ANKRD6: variants seen among roughly 807,000 people sequenced by gnomAD.
ANKRD6 encodes the protein ankyrin repeat domain 6, also known as ankyrin repeat domain-containing protein 6.
Under a neutral mutation model 82.3 loss-of-function variants are expected in ANKRD6, and 56 were observed. That is an observed-to-expected ratio of 0.68 (90% CI 0.55 to 0.85). The LOEUF is 0.85. Among genes scored for constraint, ANKRD6 ranks in the 40% least tolerant of loss-of-function variants. ANKRD6 has a pLI of 0.00. For synonymous variants in ANKRD6, 347 were observed against 352.1 expected (o/e 0.99, Z 0.16); for missense variants, 852 against 907.6 (o/e 0.94, Z 0.79).
At chr6:89,476,941 T>TTTTTG (rs1203563770) in intron 1 of ANKRD6, among the ~76,000 whole-genome samples, 1 of 152,152 alleles carries the variant, frequency 6.6e-6, no homozygotes, top group Non-Finnish European at 1.5e-5. Flanking sequence ...ATATGAAAGG[T>TTTTTG]TTTTGTTTTG....
At chr6:89,627,772 T>C in intron 14 of ANKRD6, 76 bp downstream of exon 14, 1 of 1,346,234 alleles carries the variant, frequency 7.4e-7, no homozygotes, top group Non-Finnish European at 1.0e-6. Context: ...GGCCTGCCAC[T>C]GAAAACTCAG....
intron 7 of ANKRD6, among the ~76,000 whole-genome samples, chr6:89,614,902 C>T (rs1348708211): frequency 6.6e-6 from 1 of 151,578 alleles, no homozygotes; most frequent in Non-Finnish European, 1.5e-5. Context: ...TCTTATAACT[C>T]CCTAAGTTCT....
chr6:89,510,468 G>A (rs1028318276), intron 1 of ANKRD6, among the ~76,000 whole-genome samples: 4 of 151,922 alleles, frequency 2.6e-5, no homozygotes, highest in African/African-American at 9.7e-5. Context: ...ATAGCATAGA[G>A]CAGAGCTTGA....
At chr6:89,496,585 C>T (rs372389792) in intron 1 of ANKRD6, among the ~76,000 whole-genome samples, 13 of 152,118 alleles carry the variant, frequency 8.5e-5, no homozygotes, top group African/African-American at 3.1e-4. Flanking sequence ...TGCAGTGGTG[C>T]GATCTCGGGT....
intron 1 of ANKRD6, among the ~76,000 whole-genome samples, chr6:89,549,890 A>G (rs76282480): frequency 0.011 from 1,677 of 152,058 alleles, 12 homozygotes; most frequent in Non-Finnish European, 0.016. Context: ...AGCCTGAGTA[A>G]CATAGTGAGA....
At position 89,618,004 on chromosome 6, in the gene ANKRD6, T is replaced by C; in HGVS notation, c.765T>C (p.Val255=). ...CCCGCTACCACAATAACCCGGAAGT[T>C]GCTCTTCTCCTTACTAAAGCTCCCC... is the stretch of plus-strand genomic sequence containing the variant. ...ETARYHNNPE[V]ALLLTKAPQV... is the part of the protein sequence containing the mutation. Residue 255 remains valine (V), a synonymous_variant, in exon 9 of 16, where the codon GTT becomes GTC. Transcript: ENST00000339746. The C allele has an allele frequency of 6.2e-7, 1 of 1,614,072 alleles. No individual in the cohort carries two copies. Among genetic ancestry groups the C allele is most frequent in the Non-Finnish European group, 8.5e-7 (1 of 1,179,906 alleles).
At chr6:89,484,720 A>G (rs754213169) in intron 1 of ANKRD6, among the ~76,000 whole-genome samples, 1 of 152,248 alleles carries the variant, frequency 6.6e-6, no homozygotes, top group Non-Finnish European at 1.5e-5. Flanking sequence ...ACATTCCAGA[A>G]TACCCATAAT....
At chr6:89,503,447 C>T (rs186868297) in intron 1 of ANKRD6, among the ~76,000 whole-genome samples, 8 of 152,256 alleles carry the variant, frequency 5.3e-5, no homozygotes, top group African/African-American at 1.9e-4. Context: ...TTAGGTTGCT[C>T]TGGACAGAGT....
intron 1 of ANKRD6, among the ~76,000 whole-genome samples, chr6:89,521,750 AT>A (rs1006830228): frequency 3.9e-4 from 60 of 151,912 alleles, no homozygotes; most frequent in African/African-American, 1.4e-3. Context: ...CTTTGTAAAA[AT>A]TTTTTTCCTT....
chr6:89,573,799 T>C (rs1305699541), intron 2 of ANKRD6, among the ~76,000 whole-genome samples: 1 of 152,194 alleles, frequency 6.6e-6, no homozygotes, highest in South Asian at 2.1e-4. Flanking sequence ...AGTCAGCTTA[T>C]AGTGTTCCTT....
intron 1 of ANKRD6, among the ~76,000 whole-genome samples, chr6:89,436,503 CA>C (rs757659870): frequency 4.6e-5 from 7 of 152,292 alleles, no homozygotes; most frequent in Admixed American, 3.3e-4. Context: ...GCAAAACACC[CA>C]GTCAGGGGGT....
At chr6:89,473,543 A>G (rs1775717169) in intron 1 of ANKRD6, among the ~76,000 whole-genome samples, 1 of 152,190 alleles carries the variant, frequency 6.6e-6, no homozygotes. Flanking sequence ...CTGCATACCA[A>G]AAATATAGTG....
intron 1 of ANKRD6, among the ~76,000 whole-genome samples, chr6:89,520,946 CT>C (rs762494139): frequency 6.4e-4 from 98 of 152,188 alleles, no homozygotes; most frequent in Non-Finnish European, 1.2e-3. Flanking sequence ...CATGACTGTG[CT>C]ACTGCATTCC....
chr6:89,466,207 A>G (rs950090867), intron 1 of ANKRD6, among the ~76,000 whole-genome samples: 1 of 152,238 alleles, frequency 6.6e-6, no homozygotes, highest in East Asian at 1.9e-4. Context: ...CTGAGTAGAT[A>G]TAGTTATGTA....
chr6:89,434,915 G>A (rs949619087), intron 1 of ANKRD6, among the ~76,000 whole-genome samples: 5 of 152,126 alleles, frequency 3.3e-5, no homozygotes, highest in Admixed American at 2.0e-4. Context: ...GGGATGAAGA[G>A]GAATTAAAGA....
chr6:89,449,157 C>A (rs1270006704), intron 1 of ANKRD6, among the ~76,000 whole-genome samples: 1 of 152,038 alleles, frequency 6.6e-6, no homozygotes, highest in Non-Finnish European at 1.5e-5. Context: ...TTTGTAGATG[C>A]CATTAAGAAC....
At chr6:89,600,560 C>T (rs779014563) in intron 3 of ANKRD6, among the ~76,000 whole-genome samples, 1 of 152,146 alleles carries the variant, frequency 6.6e-6, no homozygotes, top group Non-Finnish European at 1.5e-5. Flanking sequence ...AAGTGGAAAT[C>T]TAACCAAGTC....
intron 1 of ANKRD6, among the ~76,000 whole-genome samples, chr6:89,450,761 A>C (rs1293862919): frequency 6.6e-6 from 1 of 151,646 alleles, no homozygotes; most frequent in African/African-American, 2.4e-5. Context: ...TTGGCCTCCC[A>C]GAGTGCTGGG....
Position 89,627,562 on chromosome 6 carries a change from T to G in ANKRD6, c.1372-21T>G, listed in dbSNP as rs1276547308. On this transcript the variant is annotated intron_variant, in intron 13 of 15. Transcript: ENST00000339746. ...CCCTGAGATCATCTCAGTCTTACAC[T>G]CTGCTCCACTTCACTCCTAGATGCG... 3 of 1,611,452 alleles carry G rather than the reference T, an allele frequency of 1.9e-6. No individual in the cohort carries two copies. The South Asian group carries it at 3.3e-5, about 18-fold the overall frequency.
Sources: allele counts gnomAD v4.1 joint callset (sites outside exome capture counted in the v4.1 genomes callset), GRCh38; gene constraint gnomAD v4.1.1; transcripts MANE v1.5; gene names NCBI Gene and HGNC (gene_info 2026-07-23, HGNC 2026-07-21).